Variants in SNX18 observed in about 807,000 individuals in gnomAD.
The protein encoded by SNX18 is sorting nexin-18.
In SNX18, 35 loss-of-function variants were observed where a neutral mutation model predicts 48.7. The observed-to-expected ratio is 0.72, with a 90% CI of 0.55 to 0.95. SNX18 has a LOEUF of 0.95. SNX18 is among the 40% of genes least tolerant of loss of function. The pLI is 0.00. For synonymous variants in SNX18, 492 were observed against 384.7 expected, an observed-to-expected ratio of 1.28 and a Z score of -3.26; for missense variants, 824 against 871.0, an observed-to-expected ratio of 0.95 and a Z score of 0.68.
chr5:54,603,077 A>G, the SNX18 span, among the ~76,000 whole-genome samples: 1 of 152,088 alleles, frequency 6.6e-6, no homozygotes, highest in African/African-American at 2.4e-5. Flanking sequence ...GGATTTTCCA[A>G]CTGCATTCAT....
At chr5:54,615,156 A>G in the SNX18 span, among the ~76,000 whole-genome samples, 1 of 152,218 alleles carries the variant, frequency 6.6e-6, no homozygotes, top group Non-Finnish European at 1.5e-5. Context: ...ATTTTGGTCT[A>G]ACAATACGAT....
In SNX18 at chr5:54,544,609, T is replaced by C. The variant is rs1405614854; in HGVS notation, c.*1177T>C. On this transcript the variant is annotated 3_prime_UTR_variant, in exon 2 of 2. Transcript: ENST00000381410. ...AAAAGATAATTGATTTATACTATGT[T>C]TTAAAAAAAAAAAAGGTATTGATGA... 1 of 120,566 alleles carries C rather than the reference T, an allele frequency of 8.3e-6. No individual in the cohort carries two copies. Among genetic ancestry groups the C allele is most frequent in the East Asian group, 2.0e-4 (1 of 4,932 alleles). 7.5% of individuals were successfully genotyped at this position (120,566 alleles called of 1,614,324 possible).
chr5:54,579,815 G>A, the SNX18 span, among the ~76,000 whole-genome samples: 1 of 152,164 alleles, frequency 6.6e-6, no homozygotes, highest in Admixed American at 6.5e-5. Flanking sequence ...CTGGCCTTAG[G>A]AATATTGCAA....
chr5:54,541,025 T>G (rs1333498187), intron 1 of SNX18, among the ~76,000 whole-genome samples: 2 of 152,208 alleles, frequency 1.3e-5, no homozygotes, highest in East Asian at 3.8e-4. Flanking sequence ...CTTTTCTTTT[T>G]TTTCTCTCTC....
intron 1 of SNX18, among the ~76,000 whole-genome samples, chr5:54,537,064 T>C (rs1412924216): frequency 1.3e-5 from 2 of 152,218 alleles, no homozygotes; most frequent in African/African-American, 4.8e-5. Context: ...GCGCTGCAGC[T>C]TATGCTTATA....
chr5:54,621,650 C>G, the SNX18 span, among the ~76,000 whole-genome samples: 1 of 152,136 alleles, frequency 6.6e-6, no homozygotes, highest in Admixed American at 6.6e-5. Context: ...TTACTGTTCA[C>G]ATTCAGAAAA....
At chr5:54,522,293 TCA>T (rs1762046664) in intron 1 of SNX18, among the ~76,000 whole-genome samples, 1 of 152,164 alleles carries the variant, frequency 6.6e-6, no homozygotes, top group Non-Finnish European at 1.5e-5. Context: ...CTCAATTCCG[TCA>T]CCTCCCCAAC....
the SNX18 span, among the ~76,000 whole-genome samples, chr5:54,632,829 A>G: frequency 6.6e-6 from 1 of 152,004 alleles, no homozygotes; most frequent in Non-Finnish European, 1.5e-5. Flanking sequence ...GCTGGAGTAC[A>G]GTGGCGAAAC....
At chr5:54,557,846 G>A in the SNX18 span, among the ~76,000 whole-genome samples, 2 of 152,126 alleles carry the variant, frequency 1.3e-5, no homozygotes, top group African/African-American at 2.4e-5. Flanking sequence ...CATTTATTGA[G>A]TGCCAACTGT....
chr5:54,519,918 T>C (rs1761984748), intron 1 of SNX18: 1 of 1,193,910 alleles, frequency 8.4e-7, no homozygotes, highest in South Asian at 1.5e-5. Flanking sequence ...ACCTAAACCA[T>C]GTTAGGTATC....
the SNX18 span, among the ~76,000 whole-genome samples, chr5:54,609,043 G>A: frequency 6.6e-6 from 1 of 152,162 alleles, no homozygotes; most frequent in Admixed American, 6.5e-5. Context: ...CTGTGATGAG[G>A]TTGGGAGCAT....
the SNX18 span, among the ~76,000 whole-genome samples, chr5:54,568,198 T>C: frequency 6.6e-6 from 1 of 152,244 alleles, no homozygotes; most frequent in African/African-American, 2.4e-5. Context: ...TCATTTGTCA[T>C]GCCAAGATTT....
At chr5:54,590,328 AC>A in the SNX18 span, among the ~76,000 whole-genome samples, 1 of 152,104 alleles carries the variant, frequency 6.6e-6, no homozygotes, top group Admixed American at 6.6e-5. Flanking sequence ...GTAGTTCTAG[AC>A]GGGGGGCATT....
At chr5:54,591,906 T>A in the SNX18 span, among the ~76,000 whole-genome samples, 2 of 150,224 alleles carry the variant, frequency 1.3e-5, no homozygotes, top group Non-Finnish European at 3.0e-5. Flanking sequence ...TTTAAGCCAC[T>A]ACGAGTTTTG....
chr5:54,548,150 C>T (rs1414391332), downstream of SNX18, among the ~76,000 whole-genome samples: 2 of 152,186 alleles, frequency 1.3e-5, no homozygotes, highest in South Asian at 2.1e-4. Context: ...ATCCTAACAT[C>T]CCTGTGTCAG....
Position 54,518,273 on chromosome 5 carries a change from G to C in SNX18, c.321G>C (p.Leu107=). The change falls in exon 1 of 2, where the codon CTG becomes CTC. Residue 107 remains leucine (L), a synonymous_variant. Transcript: ENST00000381410. ...FKPPPDAFQA[L]LQPQQAPPPS... is the part of the protein sequence containing the mutation. ...CGCCGCCTGACGCCTTCCAGGCGCT[G>C]CTGCAGCCACAGCAGGCGCCGCCTC... 1 of 1,491,618 alleles carries C rather than the reference G, an allele frequency of 6.7e-7. No individual in the cohort carries two copies. Among genetic ancestry groups the C allele is most frequent in the Non-Finnish European group, 8.9e-7 (1 of 1,125,984 alleles). 92.4% of individuals were successfully genotyped at this position (1,491,618 alleles called of 1,614,324 possible).
chr5:54,642,054 T>C, the SNX18 span, among the ~76,000 whole-genome samples: 1 of 152,144 alleles, frequency 6.6e-6, no homozygotes, highest in East Asian at 1.9e-4. Context: ...GTACTAAGAT[T>C]AGAAATGGAG....
At chr5:54,549,921 T>C, downstream of SNX18, among the ~76,000 whole-genome samples, 1 of 152,182 alleles carries the variant, frequency 6.6e-6, no homozygotes, top group East Asian at 1.9e-4. Context: ...AGGCAACTTG[T>C]TTGTTCCACT....
the SNX18 span, among the ~76,000 whole-genome samples, chr5:54,585,205 T>C: frequency 3.3e-5 from 5 of 151,808 alleles, no homozygotes; most frequent in African/African-American, 1.2e-4. Context: ...GGTGGGAAGA[T>C]TGCTTGAGCT....
Sources: allele counts gnomAD v4.1 joint callset (sites outside exome capture counted in the v4.1 genomes callset), GRCh38; gene constraint gnomAD v4.1.1; transcripts MANE v1.5; gene names NCBI Gene and HGNC (gene_info 2026-07-23, HGNC 2026-07-21).